NDST1: variants seen among roughly 807,000 people sequenced by gnomAD.
The protein encoded by NDST1 is N-deacetylase and N-sulfotransferase 1, also known as bifunctional heparan sulfate N-deacetylase/N-sulfotransferase 1.
Under a neutral mutation model 92.8 loss-of-function variants are expected in NDST1, and 35 were observed. That is an observed-to-expected ratio of 0.38 (90% CI 0.29 to 0.50). The LOEUF (loss-of-function observed/expected upper bound fraction) is 0.50. Among genes scored for constraint, NDST1 ranks in the 20% least tolerant of loss-of-function variants. The probability of loss-of-function intolerance (pLI) is 0.94; values close to 1 mark genes in which losing one functional copy is unlikely to be tolerated. For synonymous variants in NDST1, 493 were observed against 500.3 expected, an observed-to-expected ratio of 0.99 and a Z score of 0.19; for missense variants, 822 against 1,182.7, an observed-to-expected ratio of 0.69 and a Z score of 4.47.
chr5:150,549,686 C>A lies in NDST1; in HGVS notation c.2325C>A (p.Val775=). The A allele has an allele frequency of 6.2e-7, 1 of 1,612,794 alleles. No individual in the cohort carries two copies. The change falls in exon 13 of 15, where the codon GTC becomes GTA. Residue 775 remains valine, a synonymous_variant. Transcript: ENST00000261797. ...CCTTTCTCCCTTTCCAGATTCTGGT[C>A]TTGGATGGCAAACTGCTTCGCACAG... ...LSAYHANQIL[V]LDGKLLRTEP... is the part of the protein sequence containing the mutation.
chr5:150,543,317 C>T (rs1216514434), intron 10 of NDST1, among the ~76,000 whole-genome samples: 1 of 152,234 alleles, frequency 6.6e-6, no homozygotes, highest in Non-Finnish European at 1.5e-5. Flanking sequence ...TGGCTCTCCT[C>T]ACTGCGTGTG....
rs914484112 is a variant in NDST1, at chr5:150,540,026, G to C, written c.1567-56G>C. The stretch of plus-strand genomic sequence containing the variant: ...GGTCAGAAGGGTCAGAGTTGGCGGT[G>C]AGGGTGGCTCAGACACTGATGGGCC... On this transcript the variant is annotated intron_variant, in intron 7 of 14. Coordinates refer to ENST00000261797, the MANE Select transcript of NDST1 (RefSeq NM_001543.5). 155 of 1,602,892 alleles carry C rather than the reference G, an allele frequency of 9.7e-5. No homozygotes were observed. The African/African-American group carries it at 2.0e-3, about 20-fold the overall frequency.
intron 8 of NDST1, among the ~76,000 whole-genome samples, chr5:150,540,476 A>C (rs1189419665): frequency 1.3e-5 from 2 of 152,100 alleles, no homozygotes; most frequent in African/African-American, 4.8e-5. Context: ...CCCCACGCAG[A>C]CCTACATGCA....
At chr5:150,499,005 C>T (rs983570570) in intron 1 of NDST1, among the ~76,000 whole-genome samples, 3 of 152,186 alleles carry the variant, frequency 2.0e-5, no homozygotes, top group African/African-American at 7.2e-5. Flanking sequence ...GGATTCCTTC[C>T]CCAGAAGAGC....
At chr5:150,545,534 G>C in intron 11 of NDST1, 48 bp downstream of exon 11, 1 of 1,602,402 alleles carries the variant, frequency 6.2e-7, no homozygotes, top group South Asian at 1.1e-5. Context: ...ACAGGGCTCC[G>C]TCTGACACTC....
chr5:150,531,089 A>G (rs1754709837), intron 3 of NDST1, among the ~76,000 whole-genome samples: 2 of 151,784 alleles, frequency 1.3e-5, no homozygotes, highest in South Asian at 4.2e-4. Flanking sequence ...CTTTAATCCC[A>G]AGCACAGCCT....
At chr5:150,507,881 G>T (rs1753533887), upstream of NDST1, among the ~76,000 whole-genome samples, 1 of 152,236 alleles carries the variant, frequency 6.6e-6, no homozygotes, top group African/African-American at 2.4e-5. Context: ...CCTCCAGGCA[G>T]GGCTTGGGTG....
At position 150,521,656 on chromosome 5, in the gene NDST1, C is replaced by T. The variant is rs1463037390; in HGVS notation, c.402C>T (p.Ala134=). The T allele has an allele frequency of 1.2e-5, 19 of 1,613,952 alleles. No individual in the cohort carries two copies. Among genetic ancestry groups the T allele is most frequent in the East Asian group, 2.2e-5 (1 of 44,894 alleles). The part of the protein sequence containing the change: ...TLTDKGRGRF[A]LIIYENILKY... ...CTGACAAGGGCCGTGGCCGCTTCGC[C>T]CTCATCATCTATGAGAACATCCTCA... Residue 134 remains alanine (A), a synonymous_variant, in exon 2 of 15, where the codon GCC becomes GCT. Coordinates refer to ENST00000261797, the MANE Select transcript of NDST1 (RefSeq NM_001543.5). This position sits in a 1 kb window ranked among gnomAD's most constrained non-coding sequence, Gnocchi z 5.9.
At chr5:150,540,971 T>G (rs1755219684) in intron 8 of NDST1, among the ~76,000 whole-genome samples, 1 of 152,162 alleles carries the variant, frequency 6.6e-6, no homozygotes, top group Admixed American at 6.5e-5. Flanking sequence ...TGGGGGCCAG[T>G]TTTTGGGAAA....
chr5:150,542,547 T>A (rs184674176), intron 9 of NDST1, among the ~76,000 whole-genome samples: 18 of 152,328 alleles, frequency 1.2e-4, no homozygotes, highest in Non-Finnish European at 1.5e-5. Flanking sequence ...TAAACATGGC[T>A]ACCAGAGTGC....
intron 1 of NDST1, chr5:150,518,909 TG>T (rs1389218767): frequency 1.3e-5 from 2 of 152,188 alleles, no homozygotes; most frequent in Non-Finnish European, 2.9e-5. Context: ...CCTGGGTAGC[TG>T]GGACTACAGG....
chr5:150,540,068 C>G lies in NDST1; in HGVS notation c.1567-14C>G, dbSNP rs376027960. 6.2e-7 allele frequency: 1 copy of G among 1,614,178 alleles called. No individual in the cohort carries two copies. The highest frequency in any genetic ancestry group is 1.1e-5 in the South Asian group (1 of 91,078). ...TGATGGGCCCTGCCTCTCTCCTCCCCTCCCCTGGAGCAGATCAGCATCTTC... is the reference window on the plus strand; with the variant it reads ...TGATGGGCCCTGCCTCTCTCCTCCCGTCCCCTGGAGCAGATCAGCATCTTC... On this transcript the variant is annotated splice_polypyrimidine_tract_variant and intron_variant, in intron 7 of 14. Transcript: ENST00000261797.
At position 150,541,628 on chromosome 5, in the gene NDST1, G is replaced by A. The variant is rs756538941; in HGVS notation, c.1808G>A (p.Arg603His). 29 of 1,614,058 alleles carry A rather than the reference G, an allele frequency of 1.8e-5. 1 individual carries two copies. Among genetic ancestry groups the A allele is most frequent in the South Asian group, 9.9e-5 (9 of 91,088 alleles). ...TGGTCCAAGGAGAAGACGTGTGACCGCTTCCCAAAGCTCCTCATCATCGGC... is the reference window on the plus strand; with the variant it reads ...TGGTCCAAGGAGAAGACGTGTGACCACTTCCCAAAGCTCCTCATCATCGGC... Reference protein sequence around the residue: ...DIWSKEKTCDRFPKLLIIGPQ... With the variant: ...DIWSKEKTCDHFPKLLIIGPQ... Residue 603 changes from arginine (R) to histidine (H), a missense_variant, in exon 9 of 15, where the codon CGC becomes CAC. By Grantham distance (29) the Arg-to-His change is conservative. Transcript: ENST00000261797.
chr5:150,551,997 G>A, intron 14 of NDST1, 142 bp downstream of exon 14: 1 of 1,369,924 alleles, frequency 7.3e-7, no homozygotes, highest in East Asian at 2.7e-5. Flanking sequence ...TGTAAGAGGA[G>A]GAAAATGGGG....
chr5:150,540,108 C>T lies in NDST1; in HGVS notation c.1593C>T (p.Ser531=). ...NPISIFMTHL[S]NYGNDRLGLY... is the part of the protein sequence containing the mutation. Reference sequence around the variant, plus strand: ...TCAGCATCTTCATGACGCACCTGTCCAACTATGGGAATGACCGCCTGGGCC... The same window carrying T: ...TCAGCATCTTCATGACGCACCTGTCTAACTATGGGAATGACCGCCTGGGCC... The change falls in exon 8 of 15, where the codon TCC becomes TCT. Residue 531 remains serine (S), a synonymous_variant. Coordinates refer to ENST00000261797, the MANE Select transcript of NDST1 (RefSeq NM_001543.5). 1 of 1,614,202 alleles carries T rather than the reference C, an allele frequency of 6.2e-7. No individual in the cohort carries two copies. The highest frequency in any genetic ancestry group is 8.5e-7 in the Non-Finnish European group (1 of 1,180,042).
At chr5:150,536,519 A>ATT (rs376383456) in intron 6 of NDST1, among the ~76,000 whole-genome samples, 1 of 147,860 alleles carries the variant, frequency 6.8e-6, no homozygotes. Context: ...AAAAAAAAAA[A>ATT]TTTTTTTTTC....
At chr5:150,525,694 A>C (rs1340465155) in intron 2 of NDST1, among the ~76,000 whole-genome samples, 1 of 152,118 alleles carries the variant, frequency 6.6e-6, no homozygotes, top group South Asian at 2.1e-4. Context: ...GATGAGTGAA[A>C]GGCGCTCTTC....
rs980338963 is a variant in NDST1 at position 150,553,795 on chromosome 5, C to T, written c.*463C>T. 5.2e-5 allele frequency: 23 copies of T among 445,972 alleles called. No individual in the cohort carries two copies. Among genetic ancestry groups the T allele is most frequent in the Admixed American group, 1.1e-4 (3 of 27,774 alleles). 27.6% of individuals were successfully genotyped at this position (445,972 alleles called of 1,614,324 possible). ...GGACATTTCCCTGTTTCGAGCCAGG[C>T]TCTTCCAAGGGGCCAGCTGGGTCCC... is the stretch of plus-strand genomic sequence containing the variant. On this transcript the variant is annotated 3_prime_UTR_variant, in exon 15 of 15. Transcript: ENST00000261797. The surrounding 1 kb of genome is among the most constrained non-coding windows in gnomAD (Gnocchi z 4.2).
At chr5:150,525,292 T>C (rs983004533) in intron 2 of NDST1, among the ~76,000 whole-genome samples, 38 of 152,332 alleles carry the variant, frequency 2.5e-4, no homozygotes, top group African/African-American at 9.1e-4. Flanking sequence ...CCTCCCTTCC[T>C]GGATGGCTGG....
Sources: allele counts gnomAD v4.1 joint callset (sites outside exome capture counted in the v4.1 genomes callset), GRCh38; gene constraint gnomAD v4.1.1; non-coding constraint Gnocchi (gnomAD v3.1); transcripts MANE v1.5; gene names NCBI Gene and HGNC (gene_info 2026-07-23, HGNC 2026-07-21).